Variants in DNAH8 observed in about 807,000 individuals in gnomAD.
DNAH8 encodes dynein axonemal heavy chain 8.
In DNAH8, 382 loss-of-function variants were observed where a neutral mutation model predicts 562.1. The ratio of observed to expected loss-of-function variants is 0.68; its 90% confidence interval spans 0.63 to 0.74. The LOEUF is 0.74. Ranked by LOEUF, DNAH8 falls within the 30% of genes least tolerant of loss-of-function variation. The probability of loss-of-function intolerance (pLI) is 0.00; values close to 1 mark genes in which losing one functional copy is unlikely to be tolerated. For missense variants in DNAH8, 5,203 were observed against 5,620.4 expected, an observed-to-expected ratio of 0.93 and a Z score of 2.37; for synonymous variants, 1,881 against 1,919.4, an observed-to-expected ratio of 0.98 and a Z score of 0.52.
rs1365259375 is a variant in DNAH8, at chr6:39,012,196, AT to A, written c.13372-17del. ...CAGATGAGAAAATCTCCTTTATTGC[AT>A]TGTTTACTTTGTTTTAGGTGAAATC... On this transcript the variant is annotated intron_variant, in intron 89 of 92. Transcript: ENST00000327475. The A allele has an allele frequency of 5.1e-6, 8 of 1,571,164 alleles. No individual in the cohort carries two copies. The highest frequency in any genetic ancestry group is 3.5e-5 in the Admixed American group (2 of 56,828).
chr6:39,007,962 CAT>C (rs1491086352), intron 88 of DNAH8, among the ~76,000 whole-genome samples: 1 of 120,134 alleles, frequency 8.3e-6, no homozygotes, highest in Non-Finnish European at 1.7e-5. Context: ...CACACACACA[CAT>C]TTCTACTCAA....
At position 38,790,373 on chromosome 6, in the gene DNAH8, G is replaced by C; in HGVS notation, c.2749G>C (p.Val917Leu). Residue 917 changes from valine (V) to leucine (L), a missense_variant, in exon 20 of 93, where the codon GTT (valine) becomes CTT (leucine). This residue lies in a region of DNAH8 where 2,176 missense variants were observed against 2,365.1 expected (regional missense o/e 0.92). Transcript: ENST00000327475. ...AAGCTTCTTTCAAGAAGTCGAATTA[G>C]TTTTGGATATGTTCAATCAACTTTT... The part of the protein sequence containing the change: ...LESFFQEVEL[V>L]LDMFNQLLKK... The C allele has an allele frequency of 6.2e-7, 1 of 1,601,078 alleles. No homozygotes were observed. The highest frequency in any genetic ancestry group is 8.5e-7 in the Non-Finnish European group (1 of 1,172,330).
At chr6:38,872,817 C>T in intron 50 of DNAH8, 35 bp downstream of exon 50, 1 of 1,611,888 alleles carries the variant, frequency 6.2e-7, no homozygotes, top group Non-Finnish European at 8.5e-7. Context: ...CATTTTTTCC[C>T]TGCTAGCGTA....
intron 59 of DNAH8, 61 bp downstream of exon 59, chr6:38,894,925 AT>A: frequency 2.3e-5 from 33 of 1,454,728 alleles, no homozygotes; most frequent in South Asian, 2.7e-5. Context: ...TACTTGGTTA[AT>A]TTTTTTTATT....
At chr6:38,858,030 A>G (rs1392169111) in intron 42 of DNAH8, among the ~76,000 whole-genome samples, 2 of 152,236 alleles carry the variant, frequency 1.3e-5, no homozygotes, top group African/African-American at 2.4e-5. Context: ...GTCATAAGCT[A>G]TGCTGGGTCG....
intron 59 of DNAH8, among the ~76,000 whole-genome samples, chr6:38,895,825 A>T (rs1390354588): frequency 1.3e-5 from 2 of 152,172 alleles, no homozygotes; most frequent in Non-Finnish European, 2.9e-5. Flanking sequence ...CACCTAAGTG[A>T]TTCATCTGTG....
At chr6:38,846,308 G>A (rs1048868097) in intron 36 of DNAH8, among the ~76,000 whole-genome samples, 4 of 152,138 alleles carry the variant, frequency 2.6e-5, no homozygotes, top group African/African-American at 4.8e-5. Flanking sequence ...ATTGAACTAC[G>A]AACCAGCTTG....
At position 38,911,702 on chromosome 6, in the gene DNAH8, G is replaced by A. The variant is rs1780914989; in HGVS notation, c.9859+116G>A. On this transcript the variant is annotated intron_variant, in intron 66 of 92. Coordinates refer to ENST00000327475, the MANE Select transcript of DNAH8 (RefSeq NM_001206927.2). ...AAATGAAATACTCACTTTGTTAGTA[G>A]TAGATAATTTTAAAGGATGGCCTTG... The A allele has an allele frequency of 7.0e-6, 5 of 717,720 alleles. 1 individual carries two copies. The East Asian group carries it at 1.4e-4, about 20-fold the overall frequency. The allele number at this position is 717,720 out of a possible 1,614,324, so 44.5% of individuals were successfully genotyped here.
intron 62 of DNAH8, among the ~76,000 whole-genome samples, chr6:38,900,420 G>T (rs1033654062): frequency 6.6e-6 from 1 of 152,170 alleles, no homozygotes; most frequent in East Asian, 1.9e-4. Flanking sequence ...TAGAGCTACT[G>T]TAAATATTCT....
chr6:38,979,023 G>A (rs963708082), intron 85 of DNAH8, among the ~76,000 whole-genome samples: 1 of 152,188 alleles, frequency 6.6e-6, no homozygotes, highest in Non-Finnish European at 1.5e-5. Context: ...CCACTGAGTT[G>A]CTGCTACTCA....
At chr6:38,738,680 C>A (rs1301296276) in intron 7 of DNAH8, among the ~76,000 whole-genome samples, 1 of 152,078 alleles carries the variant, frequency 6.6e-6, no homozygotes, top group Non-Finnish European at 1.5e-5. Context: ...CTTGACCAGG[C>A]AGGAGGTACA....
At chr6:38,753,793 G>A (rs1196849514) in intron 9 of DNAH8, among the ~76,000 whole-genome samples, 1 of 151,820 alleles carries the variant, frequency 6.6e-6, no homozygotes, top group Non-Finnish European at 1.5e-5. Context: ...TCTAACCATG[G>A]ATGTGCCTTA....
chr6:38,749,798 G>C (rs1384219998), intron 8 of DNAH8, among the ~76,000 whole-genome samples: 1 of 152,118 alleles, frequency 6.6e-6, no homozygotes, highest in Non-Finnish European at 1.5e-5. Flanking sequence ...ACTTCACTTT[G>C]CTAGTAAGGT....
intron 49 of DNAH8, among the ~76,000 whole-genome samples, 176 bp downstream of exon 49, chr6:38,870,738 T>C (rs1057066911): frequency 4.6e-5 from 7 of 152,336 alleles, no homozygotes; most frequent in African/African-American, 1.7e-4. Flanking sequence ...GAAGATAGTA[T>C]GGATTTACCC....
chr6:38,895,238 C>A (rs542789336), intron 59 of DNAH8, among the ~76,000 whole-genome samples: 6 of 151,998 alleles, frequency 3.9e-5, no homozygotes, highest in Admixed American at 1.3e-4. Flanking sequence ...CCTGCCCAGC[C>A]GGTTACTTCT....
intron 14 of DNAH8, 115 bp from the exon 15 acceptor site, chr6:38,779,848 AACG>A: frequency 2.0e-6 from 2 of 997,706 alleles, no homozygotes; most frequent in Non-Finnish European, 3.1e-6. Flanking sequence ...GTCCTAGGAC[AACG>A]AATGAGGGCT....
intron 80 of DNAH8, among the ~76,000 whole-genome samples, chr6:38,948,463 C>T (rs1034697049): frequency 6.6e-6 from 1 of 152,062 alleles, no homozygotes; most frequent in Non-Finnish European, 1.5e-5. Flanking sequence ...CTCAGCCTCC[C>T]GAGTAGCTGG....
intron 85 of DNAH8, among the ~76,000 whole-genome samples, chr6:38,980,338 G>C (rs1266992472): frequency 6.6e-6 from 1 of 151,972 alleles, no homozygotes; most frequent in Non-Finnish European, 1.5e-5. Context: ...CAAAAACCAA[G>C]GCAACATGAA....
rs1393077666 is a variant in DNAH8, at chr6:38,873,768, A to ACACACC, written c.7620+393_7620+394insACACCC. ...CACACACACACACACACACACACAC[A>ACACACC]CCCCTGCACTCCAGCTGGGGCGACA... is the stretch of plus-strand genomic sequence containing the variant. On this transcript the variant is annotated intron_variant, in intron 52 of 92. Coordinates refer to ENST00000327475, the MANE Select transcript of DNAH8 (RefSeq NM_001206927.2). Among the ~76,000 whole-genome samples the ACACACC allele has an allele frequency of 4.5e-4, 23 of 51,238 alleles. No individual in the cohort carries two copies. The South Asian group carries it at 0.02, about 44-fold the overall frequency. The allele number at this position is 51,238 out of a possible 152,430, so 33.6% of individuals were successfully genotyped here. A position where few individuals can be genotyped will look rare whatever the true frequency, so the allele number is the denominator to read the frequency against.
Sources: allele counts gnomAD v4.1 joint callset (sites outside exome capture counted in the v4.1 genomes callset), GRCh38; gene constraint gnomAD v4.1.1; regional missense constraint gnomAD v4.1.1; transcripts MANE v1.5; gene names NCBI Gene and HGNC (gene_info 2026-07-23, HGNC 2026-07-21).